The following TMEM62 variants were observed in gnomAD, a reference collection of about 807,000 sequenced individuals.
TMEM62 encodes transmembrane protein 62.
TMEM62 carries 41 observed loss-of-function variants against 70.4 expected under a neutral mutation model. The ratio of observed to expected loss-of-function variants is 0.58; its 90% CI spans 0.45 to 0.76. TMEM62 has a LOEUF of 0.76. TMEM62 is among the 30% of genes least tolerant of loss of function. The pLI, the probability that TMEM62 is intolerant of heterozygous loss-of-function variation, is 0.00. For missense variants in TMEM62, 688 were observed against 788.5 expected (o/e 0.87, Z 1.53); for synonymous variants, 268 against 291.0 (o/e 0.92, Z 0.80).
chr15:43,160,029 C>T (rs750577639), intron 9 of TMEM62, among the ~76,000 whole-genome samples: 2 of 151,918 alleles, frequency 1.3e-5, no homozygotes, highest in African/African-American at 2.4e-5. Context: ...AGTGCAGTGG[C>T]GTGATCTCGG....
At chr15:43,181,349 A>G (rs1227574709) in intron 13 of TMEM62, 50 bp downstream of exon 13, 1 of 1,157,572 alleles carries the variant, frequency 8.6e-7, no homozygotes, top group African/African-American at 1.5e-5. Flanking sequence ...TGTCAGACTA[A>G]TTGCATAACA....
At position 43,181,248 on chromosome 15, in the gene TMEM62, T is replaced by C. The variant is rs1383979056; in HGVS notation, c.1554T>C (p.Val518=). ...GCTGCTTTTCCTTTGGGATATTTGT[T>C]AATGGACATTTCCTACAAGGCAGCA... ...FGCCFSFGIF[V]NGHFLQGSIT... is the part of the protein sequence containing the mutation. The change falls in exon 13 of 14, where the codon GTT becomes GTC. Residue 518 remains valine (V), a synonymous_variant. Coordinates refer to ENST00000260403, the MANE Select transcript of TMEM62 (RefSeq NM_024956.4). 1.2e-6 allele frequency: 2 copies of C among 1,613,988 alleles called. No individual in the cohort carries two copies. The highest frequency in any genetic ancestry group is 4.5e-5 in the East Asian group (2 of 44,838).
chr15:43,185,115 C>G lies in TMEM62; in HGVS notation c.*529C>G, dbSNP rs976335599. On this transcript the variant is annotated 3_prime_UTR_variant, in exon 14 of 14. Transcript: ENST00000260403. ...TTAGTCGGAAGTGTTTTCAACTAATCAAATAAATGAATGAATGATGAATAA... is the reference window on the plus strand; with the variant it reads ...TTAGTCGGAAGTGTTTTCAACTAATGAAATAAATGAATGAATGATGAATAA... 6 of 304,284 alleles carry G rather than the reference C, an allele frequency of 2.0e-5. No individual in the cohort carries two copies. Among genetic ancestry groups the G allele is most frequent in the African/African-American group, 9.0e-5 (4 of 44,552 alleles). 18.8% of individuals were successfully genotyped at this position (304,284 alleles called of 1,614,324 possible).
chr15:43,162,868 A>G lies in TMEM62; in HGVS notation c.1296+2074A>G, dbSNP rs1271696211. On this transcript the variant is annotated intron_variant, in intron 10 of 13. Transcript: ENST00000260403. ...ATAGTTTCTTGGGATCAATTTCTAG[A>G]AGTGAATTTCTGGATCAAAGGGTGG... Among the ~76,000 whole-genome samples, 8 of 152,158 alleles carry G rather than the reference A, an allele frequency of 5.3e-5. No individual in the cohort carries two copies. The East Asian group carries it at 9.6e-4, about 18-fold the overall frequency.
At chr15:43,154,931 T>TAA in intron 9 of TMEM62, 100 bp downstream of exon 9, 4 of 1,116,960 alleles carry the variant, frequency 3.6e-6, no homozygotes, top group South Asian at 1.8e-5. Context: ...AAACCATGTT[T>TAA]AAAAAAAAAC....
At chr15:43,182,700 C>T (rs1004439918) in intron 13 of TMEM62, among the ~76,000 whole-genome samples, 1 of 152,018 alleles carries the variant, frequency 6.6e-6, no homozygotes, top group Non-Finnish European at 1.5e-5. Flanking sequence ...GTGATCCGCC[C>T]GTCTCGGCCT....
At chr15:43,180,347 T>TC (rs1567245038) in intron 12 of TMEM62, among the ~76,000 whole-genome samples, 1 of 152,222 alleles carries the variant, frequency 6.6e-6, no homozygotes, top group Non-Finnish European at 1.5e-5. Flanking sequence ...GGTCTTGAAC[T>TC]CCTGACCTCA....
In TMEM62 at chr15:43,162,173, T is replaced by C. The variant is rs541675519; in HGVS notation, c.1296+1379T>C. 6.1e-4 allele frequency among the ~76,000 whole-genome samples: 93 copies of C among 152,176 alleles called. 1 individual carries two copies. Among genetic ancestry groups the C allele is most frequent in the Admixed American group, 1.2e-3 (19 of 15,266 alleles). ...TTTTTTTTGAGACAGAGTCTTGCTC[T>C]GTCACCCAGGCTGGAGTACAGCAGT... is the stretch of plus-strand genomic sequence containing the variant. On this transcript the variant is annotated intron_variant, in intron 10 of 13. Transcript: ENST00000260403.
chr15:43,152,381 T>G (rs2037502671), intron 8 of TMEM62, among the ~76,000 whole-genome samples: 1 of 151,972 alleles, frequency 6.6e-6, no homozygotes. Flanking sequence ...AGTTGGCAAA[T>G]GAATTTGTTT....
At chr15:43,181,756 C>A (rs1302749970) in intron 13 of TMEM62, among the ~76,000 whole-genome samples, 1 of 152,228 alleles carries the variant, frequency 6.6e-6, no homozygotes, top group Non-Finnish European at 1.5e-5. Flanking sequence ...CCTGCCTTGG[C>A]CTCCGAAAGT....
At chr15:43,178,737 G>A in intron 12 of TMEM62, 26 bp downstream of exon 12, 1 of 1,434,632 alleles carries the variant, frequency 7.0e-7, no homozygotes, top group Non-Finnish European at 9.6e-7. Context: ...CAGATTATGG[G>A]GAATTTTGCC....
chr15:43,140,970 G>A (rs763458253), intron 4 of TMEM62, among the ~76,000 whole-genome samples: 12 of 152,168 alleles, frequency 7.9e-5, no homozygotes, highest in African/African-American at 1.9e-4. Context: ...GTCAGGGCCC[G>A]CTGGAGACTC....
chr15:43,148,033 T>G (rs1011853793), intron 5 of TMEM62, among the ~76,000 whole-genome samples: 11 of 152,202 alleles, frequency 7.2e-5, no homozygotes, highest in Non-Finnish European at 1.3e-4. Context: ...TTTTGACAAA[T>G]GTATATATTG....
Position 43,183,018 on chromosome 15 carries a change from T to A in TMEM62, c.1606-1242T>A, listed in dbSNP as rs566083664. 7.9e-5 allele frequency among the ~76,000 whole-genome samples: 12 copies of A among 152,356 alleles called. No individual in the cohort carries two copies. The East Asian group carries it at 2.1e-3, about 27-fold the overall frequency. ...ACAGATGTCTAACAGGCATCTCAAC[T>A]TCATGTGATGTCTCTCTGATAGGAA... On this transcript the variant is annotated intron_variant, in intron 13 of 13. Transcript: ENST00000260403.
At chr15:43,162,901 A>AT (rs946834013) in intron 10 of TMEM62, among the ~76,000 whole-genome samples, 2 of 151,994 alleles carry the variant, frequency 1.3e-5, no homozygotes, top group African/African-American at 4.8e-5. Context: ...TGGGCACACT[A>AT]TTTTATATAC....
intron 7 of TMEM62, among the ~76,000 whole-genome samples, chr15:43,151,281 A>T (rs2037337143): frequency 6.6e-6 from 1 of 151,162 alleles, no homozygotes; most frequent in Non-Finnish European, 1.5e-5. Flanking sequence ...ACTGCACTCC[A>T]GCCTGGGTGA....
intron 2 of TMEM62, among the ~76,000 whole-genome samples, chr15:43,135,222 C>G (rs1476276006): frequency 5.9e-5 from 9 of 152,162 alleles, no homozygotes; most frequent in Admixed American, 5.9e-4. Flanking sequence ...TTATCAGAGT[C>G]TATTGATGCA....
At chr15:43,141,769 G>C (rs1318085447) in intron 4 of TMEM62, among the ~76,000 whole-genome samples, 1 of 152,136 alleles carries the variant, frequency 6.6e-6, no homozygotes, top group African/African-American at 2.4e-5. Context: ...AATGGGAGGA[G>C]GTTAAAATAA....
chr15:43,170,429 C>G (rs1391031825), intron 11 of TMEM62, among the ~76,000 whole-genome samples: 1 of 152,140 alleles, frequency 6.6e-6, no homozygotes. Context: ...GTTTAAAACA[C>G]TTGGTCAGAA....
Sources: gnomAD v4.1 joint callset for allele counts (sites outside exome capture counted in the v4.1 genomes callset) on GRCh38, gnomAD v4.1.1 for gene constraint, MANE v1.5 for transcripts, NCBI Gene and HGNC (gene_info 2026-07-23, HGNC 2026-07-21) for gene names.